FOXK1: variants seen among roughly 807,000 people sequenced by gnomAD.
The protein encoded by FOXK1 is forkhead box K1.
In FOXK1, 19 loss-of-function variants were observed where a neutral mutation model predicts 51.9. The ratio of observed to expected loss-of-function variants is 0.37; its 90% CI spans 0.26 to 0.54. The LOEUF is 0.54. FOXK1 is among the 20% of genes least tolerant of loss of function. The pLI is 0.87. For missense variants in FOXK1, 870 were observed against 1,032.7 expected (o/e 0.84, Z 2.16); for synonymous variants, 537 against 482.6 (o/e 1.11, Z -1.48).
Position 4,706,006 on chromosome 7 carries a change from A to ATATATACGTGTATATACGTG in FOXK1, c.560+23147_560+23148insGTATATACGTGTATATACGT, listed in dbSNP as rs1562373131. Among the ~76,000 whole-genome samples, 17 of 100,224 alleles carry ATATATACGTGTATATACGTG rather than the reference A, an allele frequency of 1.7e-4. 1 individual carries two copies. Among genetic ancestry groups the ATATATACGTGTATATACGTG allele is most frequent in the African/African-American group, 8.2e-4 (12 of 14,716 alleles). 65.8% of individuals were successfully genotyped at this position (100,224 alleles called of 152,430 possible). ...TACGTATATATACGTATATATACGTATATATACGTATATATACGTGTATAT... is the reference window on the plus strand; with the variant it reads ...TACGTATATATACGTATATATACGTATATATACGTGTATATACGTGTATATACGTATATATACGTGTATAT... On this transcript the variant is annotated intron_variant, in intron 1 of 8. Transcript: ENST00000328914.
rs890699000 is a variant in FOXK1, at chr7:4,763,627, T to C, written c.*1163T>C. On this transcript the variant is annotated 3_prime_UTR_variant, in exon 9 of 9. Transcript: ENST00000328914. ...CCCCGCCAACGCGACTGGTTTTGTT[T>C]GCCACACGGTGAGAACCGGAGGACG... The C allele has an allele frequency of 6.6e-5, 10 of 152,342 alleles. No individual in the cohort carries two copies. Among genetic ancestry groups the C allele is most frequent in the African/African-American group, 2.4e-4 (10 of 41,458 alleles). The allele number at this position is 152,342 out of a possible 1,614,324, so 9.4% of individuals were successfully genotyped here.
Position 4,711,125 on chromosome 7 carries a change from G to C in FOXK1, c.560+28257G>C, listed in dbSNP as rs187847857. Among the ~76,000 whole-genome samples the C allele has an allele frequency of 4.0e-5, 6 of 151,758 alleles. No homozygotes were observed. The highest frequency in any genetic ancestry group is 3.9e-4 in the Admixed American group (6 of 15,284). The stretch of plus-strand genomic sequence containing the variant: ...CCAAGCTGGGCCTGGATCCTACTTA[G>C]TCTCTCTGACTTCTTCTACTCAAGC... On this transcript the variant is annotated intron_variant, in intron 1 of 8. Coordinates refer to ENST00000328914, the MANE Select transcript of FOXK1 (RefSeq NM_001037165.2). This position sits in a 1 kb window ranked among gnomAD's most constrained non-coding sequence, Gnocchi z 6.3.
chr7:4,686,426 A>G lies in FOXK1; in HGVS notation c.560+3558A>G, dbSNP rs542110413. On this transcript the variant is annotated intron_variant, in intron 1 of 8. Transcript: ENST00000328914. ...TTCCAAATCTTCAATATTTTTAATT[A>G]TTGGTGGGGGAAAAAAAAGACTTGT... 1.7e-4 allele frequency among the ~76,000 whole-genome samples: 26 copies of G among 152,202 alleles called. No homozygotes were observed. In the South Asian group the frequency reaches 5.2e-3, roughly 30 times the overall value.
chr7:4,706,700 G>A (rs1276179578), intron 1 of FOXK1, among the ~76,000 whole-genome samples: 2 of 152,236 alleles, frequency 1.3e-5, no homozygotes, highest in African/African-American at 2.4e-5. Context: ...ATGTAAAGGA[G>A]GTCTTCATCA....
At position 4,739,673 on chromosome 7, in the gene FOXK1, C is replaced by A. The variant is rs184029694; in HGVS notation, c.561-1165C>A. The stretch of plus-strand genomic sequence containing the variant: ...TCACGGTTTTAAGCCCAGAACTGAT[C>A]GTGAAGCCGGTCCATTAAGCTCTGG... On this transcript the variant is annotated intron_variant, in intron 1 of 8. Coordinates refer to ENST00000328914, the MANE Select transcript of FOXK1 (RefSeq NM_001037165.2). Among the ~76,000 whole-genome samples the A allele has an allele frequency of 4.5e-3, 689 of 152,286 alleles. 2 individuals are homozygous for A. Among genetic ancestry groups the A allele is most frequent in the Non-Finnish European group, 6.7e-3 (456 of 68,032 alleles).
chr7:4,760,829 C>T (rs375856592), intron 7 of FOXK1, among the ~76,000 whole-genome samples: 22 of 152,196 alleles, frequency 1.4e-4, no homozygotes, highest in South Asian at 4.1e-4. Context: ...CCAGCCTGGG[C>T]GACAGAGCAA....
chr7:4,705,358 T>C (rs1030801753), intron 1 of FOXK1, among the ~76,000 whole-genome samples: 6 of 151,932 alleles, frequency 3.9e-5, no homozygotes, highest in African/African-American at 2.4e-5. Flanking sequence ...GGCCAACTTT[T>C]TTTTGTAAAG....
rs1780944257 is a variant in FOXK1 at position 4,762,317 on chromosome 7, C to T, written c.2055C>T (p.Ala685=). The T allele has an allele frequency of 6.4e-7, 1 of 1,550,524 alleles. No individual in the cohort carries two copies. The highest frequency in any genetic ancestry group is 8.7e-7 in the Non-Finnish European group (1 of 1,146,840). Residue 685 remains alanine (A), a synonymous_variant, in exon 9 of 9, where the codon GCC becomes GCT. Coordinates refer to ENST00000328914, the MANE Select transcript of FOXK1 (RefSeq NM_001037165.2). This position sits in a 1 kb window ranked among gnomAD's most constrained non-coding sequence, Gnocchi z 5.7. ...CGGCCACGGCCACCACCACCCCAGC[C>T]ACTGCCACCACCGCCTCTGCCTCCG... ...AVAATATTTP[A]TATTASASAS...
Position 4,709,069 on chromosome 7 carries a change from A to G in FOXK1, c.560+26201A>G, listed in dbSNP as rs1780141754. Among the ~76,000 whole-genome samples the G allele has an allele frequency of 6.6e-6, 1 of 151,614 alleles. No homozygotes were observed. The highest frequency in any genetic ancestry group is 1.5e-5 in the Non-Finnish European group (1 of 67,914). ...AATGAGCGAGACTCTGTCTCAAAAA[A>G]AAAAAAAAAAGAAAAGAAAAGAAAA... On this transcript the variant is annotated intron_variant, in intron 1 of 8. Coordinates refer to ENST00000328914, the MANE Select transcript of FOXK1 (RefSeq NM_001037165.2). This position sits in a 1 kb window ranked among gnomAD's most constrained non-coding sequence, Gnocchi z 5.6.
At position 4,734,024 on chromosome 7, in the gene FOXK1, G is replaced by A. The variant is rs986363942; in HGVS notation, c.561-6814G>A. Among the ~76,000 whole-genome samples the A allele has an allele frequency of 6.0e-5, 9 of 150,228 alleles. No individual in the cohort carries two copies. Among genetic ancestry groups the A allele is most frequent in the African/African-American group, 1.5e-4 (6 of 39,598 alleles). ...TGCCGTGGGTGAAGCTTCACCTGGC[G>A]CAGGGAAGGCCATCAGACTTCCAGC... On this transcript the variant is annotated intron_variant, in intron 1 of 8. Transcript: ENST00000328914. The surrounding 1 kb of genome is among the most constrained non-coding windows in gnomAD (Gnocchi z 5.2).
chr7:4,718,064 G>A (rs994215445), intron 1 of FOXK1, among the ~76,000 whole-genome samples: 8 of 152,194 alleles, frequency 5.3e-5, no homozygotes, highest in East Asian at 3.9e-4. Flanking sequence ...CCTGTTGCCC[G>A]TGTTCCCACC....
At position 4,759,116 on chromosome 7, in the gene FOXK1, C is replaced by A. The variant is rs759746505; in HGVS notation, c.1310C>A (p.Pro437Gln). ...CCTCGCTCCGGCGGCCTGCAGACCC[C>A]AGAGTGCCTGTCTCGGGAGGGCTCC... ...MSPRSGGLQTPECLSREGSPI... is the reference protein window; with the variant it reads ...MSPRSGGLQTQECLSREGSPI... The change falls in exon 6 of 9, where the codon CCA (proline) becomes CAA (glutamine). Residue 437 changes from proline to glutamine, a missense_variant. Pro to Gln is a moderately conservative substitution (Grantham distance 76). Coordinates refer to ENST00000328914, the MANE Select transcript of FOXK1 (RefSeq NM_001037165.2). 2.5e-6 allele frequency: 4 copies of A among 1,611,948 alleles called. No homozygotes were observed. Among genetic ancestry groups the A allele is most frequent in the Non-Finnish European group, 3.4e-6 (4 of 1,179,898 alleles).
At chr7:4,702,195 A>C (rs1006523644) in intron 1 of FOXK1, among the ~76,000 whole-genome samples, 2 of 152,164 alleles carry the variant, frequency 1.3e-5, no homozygotes, top group African/African-American at 4.8e-5. Flanking sequence ...TGACAGATAA[A>C]ATTGAGGTCC....
chr7:4,737,453 CA>C (rs1780567504), intron 1 of FOXK1, among the ~76,000 whole-genome samples: 3 of 151,258 alleles, frequency 2.0e-5, no homozygotes, highest in East Asian at 2.0e-4. Context: ...TGTGTGCGTG[CA>C]CGTGTGCATG....
rs1012540408 is a variant in FOXK1 at position 4,768,657 on chromosome 7, G to A, written c.*6193G>A. 1.3e-5 allele frequency: 2 copies of A among 152,580 alleles called. No individual in the cohort carries two copies. The highest frequency in any genetic ancestry group is 4.8e-5 in the African/African-American group (2 of 41,470). The allele number at this position is 152,580 out of a possible 1,614,324, so 9.5% of individuals were successfully genotyped here. A position where few individuals can be genotyped will look rare whatever the true frequency, so the allele number is the denominator to read the frequency against. Reference sequence around the variant, plus strand: ...CCTGCCATGCACCATGAGCAGGGGTGCTACCTGGGTGTGTGAAGTTGGGCT... The same window carrying A: ...CCTGCCATGCACCATGAGCAGGGGTACTACCTGGGTGTGTGAAGTTGGGCT... On this transcript the variant is annotated 3_prime_UTR_variant, in exon 9 of 9. Coordinates refer to ENST00000328914, the MANE Select transcript of FOXK1 (RefSeq NM_001037165.2).
At chr7:4,706,158 G>T (rs1000397549) in intron 1 of FOXK1, among the ~76,000 whole-genome samples, 1 of 151,582 alleles carries the variant, frequency 6.6e-6, no homozygotes, top group African/African-American at 2.4e-5. Context: ...CTCCACAAAG[G>T]TAACAGCGAA....
chr7:4,760,702 T>C (rs777233444), intron 7 of FOXK1, among the ~76,000 whole-genome samples: 72 of 152,028 alleles, frequency 4.7e-4, no homozygotes, highest in Middle Eastern at 6.8e-3. Flanking sequence ...AATACAAAAA[T>C]TAGCCGGGTG....
chr7:4,691,125 G>A (rs763289739), intron 1 of FOXK1, among the ~76,000 whole-genome samples: 4 of 152,256 alleles, frequency 2.6e-5, no homozygotes, highest in African/African-American at 4.8e-5. Context: ...GGCGTGTGGC[G>A]TGCTGCCAGG....
At chr7:4,759,280 G>A (rs1243399987) in intron 6 of FOXK1, 31 bp from the exon 7 acceptor site, 2 of 1,603,610 alleles carry the variant, frequency 1.2e-6, no homozygotes, top group Non-Finnish European at 1.7e-6. Context: ...GTGCGGGAGG[G>A]GTCACCGTCC....
Sources: gnomAD v4.1 joint callset for allele counts (sites outside exome capture counted in the v4.1 genomes callset) on GRCh38, gnomAD v4.1.1 for gene constraint, Gnocchi (gnomAD v3.1) non-coding constraint, MANE v1.5 for transcripts, NCBI Gene and HGNC (gene_info 2026-07-23, HGNC 2026-07-21) for gene names.